CDC5L: variants seen among roughly 807,000 people sequenced by gnomAD.
CDC5L encodes the protein cell division cycle 5-like protein.
In CDC5L, 18 loss-of-function variants were observed where a neutral mutation model predicts 104.1. The observed-to-expected ratio is 0.17, with a 90% CI of 0.12 to 0.26. The LOEUF (loss-of-function observed/expected upper bound fraction) is 0.26. Among genes scored for constraint, CDC5L ranks in the 10% least tolerant of loss-of-function variants. CDC5L has a pLI of 1.00. For missense variants in CDC5L, 673 were observed against 956.9 expected (o/e 0.70, Z 3.91); for synonymous variants, 331 against 322.7 (o/e 1.03, Z -0.28).
chr6:44,447,214 GTGGTCATTTCTGTATACAC>G lies in CDC5L; in HGVS notation c.*506_*524del, dbSNP rs1793486704. 6.6e-6 allele frequency: 1 copy of G among 152,156 alleles called. No individual in the cohort carries two copies. The highest frequency in any genetic ancestry group is 6.5e-5 in the Admixed American group (1 of 15,272). 9.4% of individuals were successfully genotyped at this position (152,156 alleles called of 1,614,324 possible). On this transcript the variant is annotated 3_prime_UTR_variant, in exon 16 of 16. Coordinates refer to ENST00000371477, the MANE Select transcript of CDC5L (RefSeq NM_001253.4). ...GTGGCTTTGTTAGTTTCAGCAAAGA[GTGGTCATTTCTGTATACAC>G]TGACAAGTTAGATTAACTTTTTAGT...
Position 44,449,716 on chromosome 6 carries a change from A to G in CDC5L, c.*3005A>G, listed in dbSNP as rs1388861207. 1 of 152,206 alleles carries G rather than the reference A, an allele frequency of 6.6e-6. No homozygotes were observed. The highest frequency in any genetic ancestry group is 1.5e-5 in the Non-Finnish European group (1 of 68,024). The allele number at this position is 152,206 out of a possible 1,614,324, so 9.4% of individuals were successfully genotyped here. A position where few individuals can be genotyped will look rare whatever the true frequency, so the allele number is the denominator to read the frequency against. ...ATGCTGTCTAATAAAAAACGACATC[A>G]AAGAAAAACTACACTACAGTGACTG... On this transcript the variant is annotated 3_prime_UTR_variant, in exon 16 of 16. Coordinates refer to ENST00000371477, the MANE Select transcript of CDC5L (RefSeq NM_001253.4).
rs956097259 is a variant in CDC5L, at chr6:44,447,801, A to G, written c.*1090A>G. The G allele has an allele frequency of 6.6e-6, 1 of 152,190 alleles. No individual in the cohort carries two copies. Among genetic ancestry groups the G allele is most frequent in the Non-Finnish European group, 1.5e-5 (1 of 68,024 alleles). The allele number at this position is 152,190 out of a possible 1,614,324, so 9.4% of individuals were successfully genotyped here. A position where few individuals can be genotyped will look rare whatever the true frequency, so the allele number is the denominator to read the frequency against. On this transcript the variant is annotated 3_prime_UTR_variant, in exon 16 of 16. Transcript: ENST00000371477. Reference sequence around the variant, plus strand: ...TCCAAATGTTTATTTGGTGATTCTTATGTGTCAGACACTTAAGTGTTGGGA... The same window carrying G: ...TCCAAATGTTTATTTGGTGATTCTTGTGTGTCAGACACTTAAGTGTTGGGA...
At position 44,387,878 on chromosome 6, in the gene CDC5L, C is replaced by G. The variant is rs1186304177; in HGVS notation, c.45+10C>G. ...ATGGAGGAATACCGAGGTAAGTCTC[C>G]TTTTCCCGCCGTCCGCTGCCCGCCG... is the stretch of plus-strand genomic sequence containing the variant. On this transcript the variant is annotated intron_variant, in intron 1 of 15. Transcript: ENST00000371477. The G allele has an allele frequency of 6.4e-7, 1 of 1,556,106 alleles. No homozygotes were observed. Among genetic ancestry groups the G allele is most frequent in the Non-Finnish European group, 8.7e-7 (1 of 1,149,272 alleles).
intron 8 of CDC5L, among the ~76,000 whole-genome samples, chr6:44,414,095 A>G (rs1791790490): frequency 6.6e-6 from 1 of 150,956 alleles, no homozygotes; most frequent in Non-Finnish European, 1.5e-5. Flanking sequence ...TGTTGTTGTT[A>G]TTGAGACAGG....
chr6:44,390,949 TTATATATTAAACATATTTAATA>T (rs1790565617), intron 2 of CDC5L, among the ~76,000 whole-genome samples: 1 of 134,382 alleles, frequency 7.4e-6, no homozygotes, highest in African/African-American at 2.9e-5. Flanking sequence ...ATGTTATATA[TTATATATTAAACATATTTAATA>T]TGTTATATAT....
intron 7 of CDC5L, among the ~76,000 whole-genome samples, chr6:44,407,146 T>C (rs1473991018): frequency 6.6e-6 from 1 of 152,206 alleles, no homozygotes; most frequent in African/African-American, 2.4e-5. Flanking sequence ...TTGTGGACTT[T>C]AAGCTGCCTT....
At chr6:44,429,977 A>G in intron 14 of CDC5L, 67 bp downstream of exon 14, 2 of 1,261,080 alleles carry the variant, frequency 1.6e-6, no homozygotes. Flanking sequence ...AAATAATGCC[A>G]CTGGAGACAA....
chr6:44,429,039 T>G (rs1211648483), intron 13 of CDC5L, among the ~76,000 whole-genome samples: 1 of 141,456 alleles, frequency 7.1e-6, no homozygotes, highest in Non-Finnish European at 1.5e-5. Context: ...TTTTTTTTTT[T>G]GAGACTGAGT....
intron 5 of CDC5L, among the ~76,000 whole-genome samples, chr6:44,398,527 A>G (rs931146130): frequency 6.6e-6 from 1 of 152,226 alleles, no homozygotes; most frequent in Non-Finnish European, 1.5e-5. Context: ...AATGGCCTCT[A>G]TGCAAAGTGC....
chr6:44,433,382 C>T (rs1357782016), intron 14 of CDC5L, among the ~76,000 whole-genome samples: 1 of 152,110 alleles, frequency 6.6e-6, no homozygotes, highest in Non-Finnish European at 1.5e-5. Context: ...TAATTTGTTT[C>T]TACTTTAAGT....
rs1398694386 is a variant in CDC5L, at chr6:44,409,843, C to G, written c.1092+1211C>G. Among the ~76,000 whole-genome samples, 9 of 152,028 alleles carry G rather than the reference C, an allele frequency of 5.9e-5. No homozygotes were observed. The East Asian group carries it at 1.5e-3, about 26-fold the overall frequency. ...ATCCCCTCTTTCCAGGCTCCCATGTCTTTGGCTTTCTTGGTTTACTCCCTT... is the reference window on the plus strand; with the variant it reads ...ATCCCCTCTTTCCAGGCTCCCATGTGTTTGGCTTTCTTGGTTTACTCCCTT... On this transcript the variant is annotated intron_variant, in intron 8 of 15. Transcript: ENST00000371477.
chr6:44,390,422 G>C, intron 2 of CDC5L, 51 bp downstream of exon 2: 1 of 1,118,096 alleles, frequency 8.9e-7, no homozygotes, highest in Non-Finnish European at 1.3e-6. Flanking sequence ...TAATTATGAT[G>C]ATGGAAAATG....
At chr6:44,419,189 A>G (rs1223976541) in intron 8 of CDC5L, among the ~76,000 whole-genome samples, 3 of 152,184 alleles carry the variant, frequency 2.0e-5, no homozygotes, top group South Asian at 2.1e-4. Context: ...GGTGTAAGGA[A>G]GGGATCCAGT....
chr6:44,438,798 A>T (rs1793053597), intron 14 of CDC5L, among the ~76,000 whole-genome samples: 1 of 151,740 alleles, frequency 6.6e-6, no homozygotes, highest in Non-Finnish European at 1.5e-5. Context: ...GAAGATGAGG[A>T]ATTTTTTTTT....
chr6:44,416,023 G>A (rs772755464), intron 8 of CDC5L, among the ~76,000 whole-genome samples: 4 of 152,158 alleles, frequency 2.6e-5, no homozygotes, highest in Admixed American at 2.6e-4. Context: ...TCTGTTCTAT[G>A]TGTGATAAAG....
intron 7 of CDC5L, 56 bp downstream of exon 7, chr6:44,406,523 A>G (rs1305134896): frequency 3.4e-6 from 5 of 1,476,236 alleles, no homozygotes; most frequent in Non-Finnish European, 4.7e-6. Context: ...TATATCATTT[A>G]TTCAGCAAAT....
intron 1 of CDC5L, 102 bp downstream of exon 1, chr6:44,387,970 C>A: frequency 8.9e-7 from 1 of 1,117,666 alleles, no homozygotes; most frequent in Non-Finnish European, 1.3e-6. Context: ...CCTGTGGGGT[C>A]TGCGTGGAGG....
rs1791481050 is a variant in CDC5L, at chr6:44,408,518, A to G, written c.978A>G (p.Glu326=). The G allele has an allele frequency of 6.2e-7, 1 of 1,613,722 alleles. No individual in the cohort carries two copies. The highest frequency in any genetic ancestry group is 1.7e-5 in the Admixed American group (1 of 60,006). The change falls in exon 8 of 16, where the codon GAA becomes GAG. Residue 326 remains glutamate (E), a synonymous_variant. Coordinates refer to ENST00000371477, the MANE Select transcript of CDC5L (RefSeq NM_001253.4). ...ASEIARQTAE[E]SGITNSASST... is the part of the protein sequence containing the mutation. ...AAATTGCACGTCAAACTGCCGAGGA[A>G]TCTGGCATAACAAATTCTGCTTCCA...
intron 14 of CDC5L, among the ~76,000 whole-genome samples, chr6:44,445,107 A>G (rs1581664807): frequency 6.6e-6 from 1 of 152,188 alleles, no homozygotes; most frequent in Non-Finnish European, 1.5e-5. Flanking sequence ...AGTCCCTGAA[A>G]GTACTTGCAT....
Sources: allele counts gnomAD v4.1 joint callset (sites outside exome capture counted in the v4.1 genomes callset), GRCh38; gene constraint gnomAD v4.1.1; transcripts MANE v1.5; gene names NCBI Gene and HGNC (gene_info 2026-07-23, HGNC 2026-07-21).